Variants in KSR2 observed in about 807,000 individuals in gnomAD.
The protein encoded by KSR2 is kinase suppressor of ras 2.
KSR2 carries 25 observed loss-of-function variants against 107.8 expected under a neutral mutation model. The ratio of observed to expected loss-of-function variants is 0.23; its 90% CI spans 0.17 to 0.32. The LOEUF is 0.32. KSR2 is among the 10% of genes least tolerant of loss of function. The pLI, the probability that KSR2 is intolerant of heterozygous loss-of-function variation, is 1.00. For missense variants in KSR2, 887 were observed against 1,268.9 expected (o/e 0.70, Z 4.57); for synonymous variants, 480 against 507.0 (o/e 0.95, Z 0.71).
intron 14 of KSR2, among the ~76,000 whole-genome samples, chr12:117,497,363 TAGGTACCTA>T (rs996256933): frequency 9.2e-5 from 14 of 152,110 alleles, no homozygotes; most frequent in African/African-American, 3.4e-4. Flanking sequence ...ATCACCAGGG[TAGGTACCTA>T]AGGAGAGGCA....
At chr12:117,841,765 C>T (rs1277545672) in intron 3 of KSR2, among the ~76,000 whole-genome samples, 1 of 152,198 alleles carries the variant, frequency 6.6e-6, no homozygotes, top group Non-Finnish European at 1.5e-5. Flanking sequence ...CACTTAGTTG[C>T]TGTGTGACCA....
chr12:117,700,511 C>T (rs532111908), intron 4 of KSR2, among the ~76,000 whole-genome samples: 139 of 152,236 alleles, frequency 9.1e-4, no homozygotes, highest in African/African-American at 3.2e-3. Flanking sequence ...CAGTGAGCAC[C>T]GAATTGCCTT....
At chr12:117,613,054 T>C (rs1517200) in intron 5 of KSR2, among the ~76,000 whole-genome samples, 124,868 of 151,912 alleles carry the variant, frequency 0.82, 51,607 homozygotes, top group East Asian at 0.97. Context: ...AGTATCTTTA[T>C]ATCAGTGTGG....
intron 5 of KSR2, among the ~76,000 whole-genome samples, chr12:117,645,585 G>T (rs4766866): frequency 0.46 from 70,379 of 151,914 alleles, 18,575 homozygotes; most frequent in Non-Finnish European, 0.6. Flanking sequence ...CCCATGTAGA[G>T]GTCATATTGT....
At position 117,867,554 on chromosome 12, in the gene KSR2, G is replaced by A. The variant is rs78925387; in HGVS notation, c.181-7123C>T. ...TGACGCTGGCCATGTGACTTGCCTC[G>A]GCCAATAGGAGGCCTGTGTGCTTCT... On this transcript the variant is annotated intron_variant, in intron 1 of 19. Transcript: ENST00000339824. 1.1e-4 allele frequency among the ~76,000 whole-genome samples: 16 copies of A among 152,198 alleles called. 1 individual carries two copies. In the East Asian group the frequency reaches 2.1e-3, roughly 20 times the overall value.
chr12:117,896,654 T>A (rs1894520983), intron 1 of KSR2, among the ~76,000 whole-genome samples: 1 of 152,042 alleles, frequency 6.6e-6, no homozygotes, highest in Admixed American at 6.6e-5. Flanking sequence ...GAGATGAGGT[T>A]TCACCACATT....
intron 3 of KSR2, among the ~76,000 whole-genome samples, chr12:117,804,991 A>G (rs1445466637): frequency 2.0e-5 from 3 of 152,188 alleles, no homozygotes; most frequent in African/African-American, 7.2e-5. Context: ...AAGCCATGAA[A>G]GAACTCCTGG....
At chr12:117,895,458 A>G (rs80329078) in intron 1 of KSR2, among the ~76,000 whole-genome samples, 1,708 of 152,202 alleles carry the variant, frequency 0.011, 28 homozygotes, top group African/African-American at 0.039. Flanking sequence ...AATAAAACCA[A>G]TTCTCAGAAT....
At chr12:117,741,151 G>A (rs974775951) in intron 4 of KSR2, among the ~76,000 whole-genome samples, 1 of 152,150 alleles carries the variant, frequency 6.6e-6, no homozygotes, top group Non-Finnish European at 1.5e-5. Context: ...GACAATTTGA[G>A]CATCAAAATA....
At chr12:117,646,636 C>T (rs201912414) in intron 5 of KSR2, among the ~76,000 whole-genome samples, 3 of 152,096 alleles carry the variant, frequency 2.0e-5, no homozygotes, top group East Asian at 3.9e-4. Context: ...GATCCAGGAC[C>T]CCAGGCTTGT....
chr12:117,526,988 T>C, intron 13 of KSR2, 83 bp downstream of exon 13: 1 of 1,157,032 alleles, frequency 8.6e-7, no homozygotes, highest in South Asian at 1.3e-5. Flanking sequence ...CCAAGCCCTC[T>C]GCGTCATCCA....
chr12:117,611,448 A>ACACACACACACACACACACG (rs1341275503), intron 5 of KSR2, among the ~76,000 whole-genome samples: 1 of 151,796 alleles, frequency 6.6e-6, no homozygotes, highest in Admixed American at 6.6e-5. Context: ...ACGCACAGAC[A>ACACACACACACACACACACG]CACACACACA....
intron 4 of KSR2, among the ~76,000 whole-genome samples, chr12:117,677,436 T>C (rs770029311): frequency 4.8e-4 from 73 of 152,312 alleles, no homozygotes; most frequent in Non-Finnish European, 8.4e-4. Context: ...GACGGCCATC[T>C]GCAAGACACA....
chr12:117,707,702 T>C (rs562743366), intron 4 of KSR2, among the ~76,000 whole-genome samples: 5 of 152,300 alleles, frequency 3.3e-5, no homozygotes, highest in African/African-American at 1.2e-4. Flanking sequence ...GAGGAAAATC[T>C]TGAAGACAAA....
chr12:117,518,349 C>T (rs1874524751), intron 14 of KSR2, among the ~76,000 whole-genome samples: 2 of 152,082 alleles, frequency 1.3e-5, no homozygotes, highest in East Asian at 3.9e-4. Context: ...TAGGTAATGC[C>T]CCTAATACCT....
rs1320154137 is a variant in KSR2, at chr12:117,465,797, T to G, written c.*1402A>C. ...TGCTATTGCTCTGCTTGGGGACAGATTTCCCTTTTGTATCAGGTCACATGC... is the reference window on the plus strand; with the variant it reads ...TGCTATTGCTCTGCTTGGGGACAGAGTTCCCTTTTGTATCAGGTCACATGC... On this transcript the variant is annotated 3_prime_UTR_variant, in exon 20 of 20. Coordinates refer to ENST00000339824, the MANE Select transcript of KSR2 (RefSeq NM_173598.6). 1 of 105,322 alleles carries G rather than the reference T, an allele frequency of 9.5e-6. No individual in the cohort carries two copies. The highest frequency in any genetic ancestry group is 2.3e-5 in the Non-Finnish European group (1 of 44,076). The allele number at this position is 105,322 out of a possible 1,614,324, so 6.5% of individuals were successfully genotyped here. A position where few individuals can be genotyped will look rare whatever the true frequency, so the allele number is the denominator to read the frequency against.
Position 117,667,506 on chromosome 12 carries a change from G to C in KSR2, c.1139C>G (p.Pro380Arg), listed in dbSNP as rs1390998961. The change falls in exon 5 of 20, where the codon CCT becomes CGT. Residue 380 changes from proline (P) to arginine (R), a missense_variant. Pro to Arg is a moderately radical substitution (Grantham distance 103, BLOSUM62 -2). Around this residue, in one of 8 missense-constraint regions of KSR2, gnomAD observed 399 missense variants for 479.5 expected, o/e 0.83. Transcript: ENST00000339824. The part of the protein sequence containing the change: ...VGHAPFLPST[P>R]PVHTEANFSA... ...GAAGTTGGCCTCAGTGTGAACAGGAGGGGTGGAAGGCAGGAAAGGTGCGTG... is the reference window on the plus strand; with the variant it reads ...GAAGTTGGCCTCAGTGTGAACAGGACGGGTGGAAGGCAGGAAAGGTGCGTG... 8 of 1,612,150 alleles carry C rather than the reference G, an allele frequency of 5.0e-6. No individual in the cohort carries two copies. The South Asian group carries it at 7.7e-5, about 16-fold the overall frequency.
chr12:117,777,891 G>A (rs140335210), intron 3 of KSR2, among the ~76,000 whole-genome samples: 18 of 151,988 alleles, frequency 1.2e-4, no homozygotes, highest in South Asian at 8.3e-4. Context: ...AAATTAGCAG[G>A]GTATGGTGGC....
intron 2 of KSR2, among the ~76,000 whole-genome samples, chr12:117,856,225 G>GA (rs1893098934): frequency 6.6e-6 from 1 of 152,196 alleles, no homozygotes; most frequent in Admixed American, 6.5e-5. Flanking sequence ...TGGAGTGGGG[G>GA]AAAGGGACCT....
Sources: allele counts gnomAD v4.1 joint callset (sites outside exome capture counted in the v4.1 genomes callset), GRCh38; gene constraint gnomAD v4.1.1; regional missense constraint gnomAD v4.1.1; transcripts MANE v1.5; gene names NCBI Gene and HGNC (gene_info 2026-07-23, HGNC 2026-07-21).